Variants in EXOC4 observed in about 807,000 individuals in gnomAD.
EXOC4 encodes exocyst complex component 4, also known as SEC8-like 1.
Under a neutral mutation model 107.2 loss-of-function variants are expected in EXOC4, and 71 were observed. The observed-to-expected ratio is 0.66, with a 90% CI of 0.55 to 0.81. The LOEUF is 0.81. Among genes scored for constraint, EXOC4 ranks in the 30% least tolerant of loss-of-function variants. The pLI, the probability that EXOC4 is intolerant of heterozygous loss-of-function variation, is 0.00. For missense variants in EXOC4, 1,108 were observed against 1,189.6 expected (o/e 0.93, Z 1.01); for synonymous variants, 456 against 441.2 (o/e 1.03, Z -0.42).
At chr7:133,259,232 C>CTT (rs1160021022) in intron 1 of EXOC4, among the ~76,000 whole-genome samples, 13 of 129,554 alleles carry the variant, frequency 1.0e-4, no homozygotes, top group African/African-American at 2.5e-4. Context: ...AGTTTAATTT[C>CTT]TTTTTTTTTT....
At chr7:134,095,817 A>G in the EXOC4 span, among the ~76,000 whole-genome samples, 2 of 152,168 alleles carry the variant, frequency 1.3e-5, no homozygotes, top group Non-Finnish European at 2.9e-5. Context: ...TAAAAAATTA[A>G]CTCAAGATGC....
chr7:133,581,013 C>T (rs926459541), intron 9 of EXOC4, among the ~76,000 whole-genome samples: 1 of 152,148 alleles, frequency 6.6e-6, no homozygotes, highest in Non-Finnish European at 1.5e-5. Flanking sequence ...TAAGCAGTCT[C>T]ATGCTGGTGT....
At chr7:133,521,857 G>C (rs1287892852) in intron 9 of EXOC4, among the ~76,000 whole-genome samples, 1 of 152,048 alleles carries the variant, frequency 6.6e-6, no homozygotes, top group Non-Finnish European at 1.5e-5. Context: ...CTGACCTCGT[G>C]ATCCGCCTGC....
chr7:133,897,210 C>A (rs1799339121), intron 12 of EXOC4, among the ~76,000 whole-genome samples: 1 of 151,468 alleles, frequency 6.6e-6, no homozygotes, highest in Non-Finnish European at 1.5e-5. Flanking sequence ...AATGCTTATC[C>A]TTCCTCATTC....
the EXOC4 span, among the ~76,000 whole-genome samples, chr7:134,096,065 A>G: frequency 1.4e-3 from 216 of 152,332 alleles, 1 homozygote; most frequent in Non-Finnish European, 2.1e-3. Context: ...TGCATCCAAC[A>G]AAGGTCTAAT....
rs1191778349 is a variant in EXOC4, at chr7:133,741,778, GATGAGT to G, written c.1515-75544_1515-75539del. ...AGGCATGTTTGAAACCCATATTATGGATGAGTATCTATGACTTTATCTGATGCTTTT... is the reference window on the plus strand; with the variant it reads ...AGGCATGTTTGAAACCCATATTATGGATCTATGACTTTATCTGATGCTTTT... On this transcript the variant is annotated intron_variant, in intron 10 of 17. Transcript: ENST00000253861. Among the ~76,000 whole-genome samples, 5 of 152,252 alleles carry G rather than the reference GATGAGT, an allele frequency of 3.3e-5. No individual in the cohort carries two copies. The East Asian group carries it at 9.7e-4, about 29-fold the overall frequency.
intron 17 of EXOC4, among the ~76,000 whole-genome samples, chr7:134,058,971 A>T (rs1795992761): frequency 6.6e-6 from 1 of 152,196 alleles, no homozygotes; most frequent in South Asian, 2.1e-4. Context: ...AATATTCTAC[A>T]ATCAAGACAG....
chr7:133,501,758 C>T (rs2150887933), intron 9 of EXOC4, among the ~76,000 whole-genome samples: 1 of 152,170 alleles, frequency 6.6e-6, no homozygotes, highest in South Asian at 2.1e-4. Context: ...TCCTAGTTTC[C>T]TGGTTTATTT....
At chr7:133,741,528 T>C (rs530941432) in intron 10 of EXOC4, among the ~76,000 whole-genome samples, 1 of 152,318 alleles carries the variant, frequency 6.6e-6, no homozygotes, top group East Asian at 1.9e-4. Context: ...AAGACCTTTC[T>C]AGAGAGAAAG....
At chr7:133,861,826 G>C (rs144149410) in intron 11 of EXOC4, among the ~76,000 whole-genome samples, 2 of 152,112 alleles carry the variant, frequency 1.3e-5, no homozygotes, top group Non-Finnish European at 2.9e-5. Context: ...GAGCCACCTC[G>C]TCTGGCAAGG....
chr7:133,901,833 C>T (rs1299214730), intron 12 of EXOC4, among the ~76,000 whole-genome samples: 1 of 152,168 alleles, frequency 6.6e-6, no homozygotes, highest in Non-Finnish European at 1.5e-5. Flanking sequence ...CTCATGTTGG[C>T]ATGCAGGCCT....
At chr7:133,496,590 C>T (rs1223149744) in intron 9 of EXOC4, among the ~76,000 whole-genome samples, 2 of 152,194 alleles carry the variant, frequency 1.3e-5, no homozygotes, top group Non-Finnish European at 2.9e-5. Flanking sequence ...TACCATATTT[C>T]TTCGCACCTT....
intron 14 of EXOC4, among the ~76,000 whole-genome samples, chr7:133,964,706 G>A (rs866284194): frequency 1.1e-4 from 17 of 152,010 alleles, no homozygotes; most frequent in South Asian, 8.3e-4. Context: ...TATGTGCCAC[G>A]TTTTTCTTTA....
At chr7:133,253,430 C>T in intron 1 of EXOC4, 2 of 1,252,732 alleles carry the variant, frequency 1.6e-6, no homozygotes, top group Non-Finnish European at 2.0e-6. Context: ...GCAGCACCTT[C>T]TATTACAGTC....
chr7:133,797,063 G>A (rs75424158), intron 10 of EXOC4, among the ~76,000 whole-genome samples: 1 of 152,326 alleles, frequency 6.6e-6, no homozygotes, highest in East Asian at 1.9e-4. Context: ...TTCTGGGAAT[G>A]CAGAAACCAC....
the EXOC4 span, among the ~76,000 whole-genome samples, chr7:134,077,200 T>G: frequency 2.0e-5 from 3 of 152,234 alleles, no homozygotes; most frequent in East Asian, 5.8e-4. Context: ...GGTCTAAGTC[T>G]CAGAGTACAA....
chr7:133,936,728 C>T (rs1276243124), intron 13 of EXOC4, among the ~76,000 whole-genome samples: 1 of 152,142 alleles, frequency 6.6e-6, no homozygotes, highest in Non-Finnish European at 1.5e-5. Flanking sequence ...GGCACGATCT[C>T]GGCTCACTGC....
intron 7 of EXOC4, among the ~76,000 whole-genome samples, chr7:133,380,577 C>T (rs575095737): frequency 3.3e-5 from 5 of 152,182 alleles, no homozygotes; most frequent in Non-Finnish European, 5.9e-5. Context: ...TTGGAAATGA[C>T]TTATTTTTAT....
chr7:133,578,610 G>A (rs893800278), intron 9 of EXOC4, among the ~76,000 whole-genome samples: 2 of 152,106 alleles, frequency 1.3e-5, no homozygotes, highest in Non-Finnish European at 2.9e-5. Context: ...CACTTCAGAG[G>A]ATTATCGATT....
Sources: allele counts gnomAD v4.1 joint callset (sites outside exome capture counted in the v4.1 genomes callset), GRCh38; gene constraint gnomAD v4.1.1; transcripts MANE v1.5; gene names NCBI Gene and HGNC (gene_info 2026-07-23, HGNC 2026-07-21).